The following CLVS1 variants were observed in gnomAD, a reference collection of about 807,000 sequenced individuals.
CLVS1 encodes clavesin-1.
A neutral mutation model predicts 33.1 loss-of-function variants in CLVS1; 10 were observed. The ratio of observed to expected loss-of-function variants is 0.30; its 90% CI spans 0.19 to 0.51. CLVS1 has a LOEUF of 0.51. Among genes scored for constraint, CLVS1 ranks in the 20% least tolerant of loss-of-function variants. The probability of loss-of-function intolerance (pLI) is 0.97; values close to 1 mark genes in which losing one functional copy is unlikely to be tolerated. For synonymous variants in CLVS1, 163 were observed against 166.1 expected, an observed-to-expected ratio of 0.98 and a Z score of 0.14; for missense variants, 343 against 433.4, an observed-to-expected ratio of 0.79 and a Z score of 1.85.
chr8:60,979,177 T>C, the CLVS1 span, among the ~76,000 whole-genome samples: 1 of 152,132 alleles, frequency 6.6e-6, no homozygotes, highest in African/African-American at 2.4e-5. Flanking sequence ...GCAAGCCAGG[T>C]GACATTGAAC....
intron 3 of CLVS1, among the ~76,000 whole-genome samples, chr8:61,421,577 A>T (rs1208841368): frequency 2.0e-5 from 3 of 152,062 alleles, no homozygotes; most frequent in African/African-American, 7.2e-5. Context: ...AAGGGACTAA[A>T]TTTTTCAATT....
At chr8:61,182,973 G>A (rs1434221857) in intron 2 of CLVS1, among the ~76,000 whole-genome samples, 2 of 152,136 alleles carry the variant, frequency 1.3e-5, no homozygotes, top group African/African-American at 4.8e-5. Context: ...GTCATAAAAA[G>A]GAATGAGATC....
intron 1 of CLVS1, among the ~76,000 whole-genome samples, chr8:61,299,420 T>TA (rs1382957828): frequency 3.3e-5 from 5 of 152,198 alleles, no homozygotes; most frequent in African/African-American, 1.2e-4. Context: ...CAAGCACTAT[T>TA]ACGTTAACTA....
intron 2 of CLVS1, among the ~76,000 whole-genome samples, chr8:61,306,075 A>G (rs1460191828): frequency 6.6e-6 from 1 of 152,206 alleles, no homozygotes; most frequent in Non-Finnish European, 1.5e-5. Context: ...TACTGGGTCA[A>G]GTGGTATTTC....
rs553177004 is a variant in CLVS1, at chr8:61,449,884, G to A, written c.631-4257G>A. On this transcript the variant is annotated intron_variant, in intron 3 of 5. Transcript: ENST00000325897. Reference sequence around the variant, plus strand: ...TATACACACTATCCAGGTCTTAGTTGTACTTAGCCAAAGAAATAGGGGAAT... The same window carrying A: ...TATACACACTATCCAGGTCTTAGTTATACTTAGCCAAAGAAATAGGGGAAT... 2.4e-3 allele frequency among the ~76,000 whole-genome samples: 367 copies of A among 152,238 alleles called. 1 individual carries two copies. Among genetic ancestry groups the A allele is most frequent in the African/African-American group, 8.4e-3 (348 of 41,544 alleles).
the CLVS1 span, among the ~76,000 whole-genome samples, chr8:61,021,363 G>A: frequency 6.6e-6 from 1 of 152,020 alleles, no homozygotes; most frequent in Non-Finnish European, 1.5e-5. Context: ...TTGTTTGTTT[G>A]TTTTTGAGAT....
chr8:61,140,728 A>C (rs944913372), intron 2 of CLVS1, among the ~76,000 whole-genome samples: 5 of 151,828 alleles, frequency 3.3e-5, no homozygotes, highest in Admixed American at 6.6e-5. Flanking sequence ...TGCCCGGCTA[A>C]ATTTTTTTTT....
intron 5 of CLVS1, among the ~76,000 whole-genome samples, chr8:61,484,130 T>C (rs1374478117): frequency 6.6e-6 from 1 of 152,148 alleles, no homozygotes; most frequent in East Asian, 1.9e-4. Flanking sequence ...GGGTATTAAA[T>C]TAGGAAAAGA....
At chr8:61,424,574 G>T (rs1216171943) in intron 3 of CLVS1, among the ~76,000 whole-genome samples, 1 of 152,042 alleles carries the variant, frequency 6.6e-6, no homozygotes, top group Non-Finnish European at 1.5e-5. Context: ...AAATTTACTG[G>T]TACACAAATA....
intron 3 of CLVS1, among the ~76,000 whole-genome samples, chr8:61,405,504 C>T (rs1438349454): frequency 6.6e-6 from 1 of 152,104 alleles, no homozygotes; most frequent in Non-Finnish European, 1.5e-5. Flanking sequence ...CCAGGTGCAG[C>T]AGCTCACACC....
At chr8:60,983,186 C>T in the CLVS1 span, among the ~76,000 whole-genome samples, 1 of 152,170 alleles carries the variant, frequency 6.6e-6, no homozygotes, top group East Asian at 1.9e-4. Context: ...CTCTCAAGGT[C>T]ACCTCTCTGA....
intron 2 of CLVS1, among the ~76,000 whole-genome samples, chr8:61,143,830 G>GTA (rs1263244629): frequency 2.7e-5 from 4 of 145,678 alleles, no homozygotes; most frequent in Admixed American, 6.9e-5. Flanking sequence ...TATATAATAT[G>GTA]TATATATTAT....
At chr8:61,270,253 C>A (rs1009897983) in intron 2 of CLVS1, among the ~76,000 whole-genome samples, 1 of 152,156 alleles carries the variant, frequency 6.6e-6, no homozygotes, top group Non-Finnish European at 1.5e-5. Context: ...AAGGCTTTTT[C>A]TGCATCTATT....
At chr8:61,221,684 T>C (rs1808220495) in intron 2 of CLVS1, among the ~76,000 whole-genome samples, 1 of 152,218 alleles carries the variant, frequency 6.6e-6, no homozygotes, top group South Asian at 2.1e-4. Flanking sequence ...GGTATCAGGA[T>C]GATGCTGGCT....
intron 2 of CLVS1, among the ~76,000 whole-genome samples, chr8:61,197,974 A>G (rs913209177): frequency 9.2e-5 from 14 of 152,312 alleles, no homozygotes; most frequent in African/African-American, 3.4e-4. Context: ...CTGCAATTCA[A>G]TGCAGTCTCT....
At chr8:61,334,613 A>T (rs971156767) in intron 2 of CLVS1, among the ~76,000 whole-genome samples, 1 of 152,186 alleles carries the variant, frequency 6.6e-6, no homozygotes, top group African/African-American at 2.4e-5. Context: ...ATGAGAGAAA[A>T]CTAGTGAAGT....
At chr8:61,280,124 C>G (rs1399348568) in intron 2 of CLVS1, among the ~76,000 whole-genome samples, 2 of 86,140 alleles carry the variant, frequency 2.3e-5, no homozygotes, top group Non-Finnish European at 3.9e-5. Flanking sequence ...TCACTTGCTA[C>G]TGTTTATCTT....
intron 3 of CLVS1, among the ~76,000 whole-genome samples, chr8:61,443,008 T>A (rs1816622852): frequency 2.0e-5 from 3 of 152,228 alleles, no homozygotes; most frequent in African/African-American, 7.2e-5. Flanking sequence ...TATCTTCTCA[T>A]GTACTTATTT....
intron 1 of CLVS1, among the ~76,000 whole-genome samples, chr8:61,074,241 G>A (rs1339178098): frequency 6.6e-6 from 1 of 150,490 alleles, no homozygotes; most frequent in Non-Finnish European, 1.5e-5. Flanking sequence ...GGGAGGCTGA[G>A]GTGAGAGGAC....
Sources: gnomAD v4.1 joint callset for allele counts (sites outside exome capture counted in the v4.1 genomes callset) on GRCh38, gnomAD v4.1.1 for gene constraint, MANE v1.5 for transcripts, NCBI Gene and HGNC (gene_info 2026-07-23, HGNC 2026-07-21) for gene names.